The following SCP2 variants were observed in gnomAD, a reference collection of about 807,000 sequenced individuals.
The protein encoded by SCP2 is SCP-2/3-oxoacyl-CoA thiolase.
A neutral mutation model predicts 71.4 loss-of-function variants in SCP2; 48 were observed. The ratio of observed to expected loss-of-function variants is 0.67; its 90% CI spans 0.53 to 0.86. The LOEUF is 0.86. Among genes scored for constraint, SCP2 ranks in the 40% least tolerant of loss-of-function variants. The pLI is 0.00. For missense variants in SCP2, 560 were observed against 655.6 expected (o/e 0.85, Z 1.59); for synonymous variants, 220 against 218.1 (o/e 1.01, Z -0.08).
At chr1:52,932,888 G>A (rs12088520) in intron 1 of SCP2, among the ~76,000 whole-genome samples, 2,578 of 152,160 alleles carry the variant, frequency 0.017, 45 homozygotes, top group African/African-American at 0.057. Context: ...CTTGGTGGAG[G>A]AGAAAAGAGA....
At chr1:52,952,967 T>C (rs1655452242) in intron 4 of SCP2, among the ~76,000 whole-genome samples, 1 of 152,050 alleles carries the variant, frequency 6.6e-6, no homozygotes, top group Admixed American at 6.6e-5. Context: ...CTACCCAGCA[T>C]TTTAATTATT....
intron 14 of SCP2, among the ~76,000 whole-genome samples, chr1:53,045,556 C>T (rs920954254): frequency 3.9e-5 from 6 of 152,242 alleles, no homozygotes; most frequent in Middle Eastern, 3.4e-3. Context: ...CTACTGGACA[C>T]GCACCCAGGG....
chr1:53,044,679 A>T (rs1423978782), intron 14 of SCP2, among the ~76,000 whole-genome samples: 1 of 152,218 alleles, frequency 6.6e-6, no homozygotes, highest in South Asian at 2.1e-4. Flanking sequence ...GCTAATTCTT[A>T]ATGAGAGGAG....
intron 2 of SCP2, among the ~76,000 whole-genome samples, chr1:52,947,104 G>A (rs1162853825): frequency 2.7e-5 from 4 of 149,002 alleles, no homozygotes; most frequent in African/African-American, 7.4e-5. Flanking sequence ...ATAGAGGGCC[G>A]AGTGTGGTGA....
intron 6 of SCP2, among the ~76,000 whole-genome samples, chr1:52,964,663 A>T (rs1300776933): frequency 3.9e-5 from 6 of 152,140 alleles, no homozygotes; most frequent in Admixed American, 3.9e-4. Context: ...AAAAATTAAC[A>T]TTTTGCCATG....
At chr1:53,011,749 G>A (rs190911888) in intron 11 of SCP2, among the ~76,000 whole-genome samples, 6 of 152,250 alleles carry the variant, frequency 3.9e-5, no homozygotes, top group African/African-American at 7.2e-5. Flanking sequence ...ATACCTCATC[G>A]GTATCTGTAA....
At chr1:52,939,600 A>C (rs138855332) in intron 1 of SCP2, among the ~76,000 whole-genome samples, 36 of 152,294 alleles carry the variant, frequency 2.4e-4, no homozygotes, top group African/African-American at 8.2e-4. Flanking sequence ...ATATGGACAT[A>C]AGTTTTCAAC....
chr1:53,028,170 A>G (rs1211370291), intron 13 of SCP2, 99 bp downstream of exon 13: 1 of 703,116 alleles, frequency 1.4e-6, no homozygotes, highest in Non-Finnish European at 2.6e-6. Context: ...TTGAAAATTT[A>G]TATCATGTTG....
At chr1:53,034,596 T>C (rs188568553) in intron 13 of SCP2, among the ~76,000 whole-genome samples, 1 of 152,146 alleles carries the variant, frequency 6.6e-6, no homozygotes. Flanking sequence ...AAGAGTGAAT[T>C]TTATAGGATA....
intron 12 of SCP2, among the ~76,000 whole-genome samples, chr1:53,021,254 C>T (rs1180808674): frequency 6.6e-6 from 1 of 151,644 alleles, no homozygotes; most frequent in Non-Finnish European, 1.5e-5. Flanking sequence ...AGTGATCCAC[C>T]TGCCTTGGCC....
chr1:52,975,580 T>C (rs1657896332), intron 7 of SCP2, among the ~76,000 whole-genome samples: 1 of 152,040 alleles, frequency 6.6e-6, no homozygotes, highest in Admixed American at 6.5e-5. Flanking sequence ...GTGCTGGGGT[T>C]ACAGGTGTGA....
At chr1:52,951,555 TAAA>T (rs563183018) in intron 4 of SCP2, among the ~76,000 whole-genome samples, 5 of 72,596 alleles carry the variant, frequency 6.9e-5, no homozygotes, top group Admixed American at 1.7e-4. Context: ...AGACTGTCTC[TAAA>T]AAAAAAAAAA....
At chr1:53,042,458 C>T (rs936887092) in intron 14 of SCP2, among the ~76,000 whole-genome samples, 4 of 152,054 alleles carry the variant, frequency 2.6e-5, no homozygotes, top group African/African-American at 9.7e-5. Flanking sequence ...GCTGTGTTCC[C>T]TCCAGATACG....
At chr1:53,037,567 T>C (rs17107713) in intron 13 of SCP2, among the ~76,000 whole-genome samples, 5 of 152,010 alleles carry the variant, frequency 3.3e-5, no homozygotes, top group East Asian at 3.8e-4. Flanking sequence ...TGCAGAGATA[T>C]AGGTCTGAGT....
intron 1 of SCP2, among the ~76,000 whole-genome samples, chr1:52,941,546 C>T (rs1654241748): frequency 6.6e-6 from 1 of 151,886 alleles, no homozygotes; most frequent in Non-Finnish European, 1.5e-5. Context: ...ACCAGCCTGG[C>T]CAACATGGTG....
intron 12 of SCP2, among the ~76,000 whole-genome samples, chr1:53,022,501 G>A (rs1180844848): frequency 1.3e-5 from 2 of 152,140 alleles, no homozygotes; most frequent in Non-Finnish European, 2.9e-5. Context: ...TTGGAGAAAA[G>A]CCTATTCAGA....
chr1:53,009,778 G>A (rs1367880352), intron 11 of SCP2, among the ~76,000 whole-genome samples: 2 of 152,118 alleles, frequency 1.3e-5, no homozygotes, highest in African/African-American at 4.8e-5. Context: ...TTGACAAATG[G>A]GATCTAATTA....
chr1:53,006,932 G>A (rs906552514), intron 11 of SCP2, among the ~76,000 whole-genome samples: 3 of 152,072 alleles, frequency 2.0e-5, no homozygotes, highest in Non-Finnish European at 4.4e-5. Flanking sequence ...AGGGATGGAG[G>A]AAGATCTACC....
intron 12 of SCP2, among the ~76,000 whole-genome samples, chr1:53,021,306 G>A (rs1028147029): frequency 6.7e-6 from 1 of 148,656 alleles, no homozygotes; most frequent in South Asian, 2.1e-4. Flanking sequence ...ACCATGCCTG[G>A]CCGTCAACCA....
Sources: allele counts gnomAD v4.1 joint callset (sites outside exome capture counted in the v4.1 genomes callset), GRCh38; gene constraint gnomAD v4.1.1; transcripts MANE v1.5; gene names NCBI Gene and HGNC (gene_info 2026-07-23, HGNC 2026-07-21).